Variants in RPRD2 observed in about 807,000 individuals in gnomAD.
The protein encoded by RPRD2 is regulation of nuclear pre-mRNA domain containing 2.
RPRD2 carries 12 observed loss-of-function variants against 104.4 expected under a neutral mutation model. The ratio of observed to expected loss-of-function variants is 0.11; its 90% confidence interval spans 0.07 to 0.19. The LOEUF is 0.19. RPRD2 is among the 10% of genes least tolerant of loss of function. The probability of loss-of-function intolerance (pLI) is 1.00; values close to 1 mark genes in which losing one functional copy is unlikely to be tolerated. For synonymous variants in RPRD2, 714 were observed against 684.9 expected (o/e 1.04, Z -0.66); for missense variants, 1,543 against 1,790.1 (o/e 0.86, Z 2.49).
At chr1:150,456,714 C>T (rs1396790701) in intron 7 of RPRD2, among the ~76,000 whole-genome samples, 1 of 151,800 alleles carries the variant, frequency 6.6e-6, no homozygotes, top group Non-Finnish European at 1.5e-5. Flanking sequence ...TACCTGACAT[C>T]AGGAGTTCAA....
intron 7 of RPRD2, among the ~76,000 whole-genome samples, chr1:150,450,695 A>G (rs1245817787): frequency 2.0e-5 from 3 of 149,524 alleles, no homozygotes; most frequent in East Asian, 4.0e-4. Flanking sequence ...ATCTCGGCTC[A>G]CTGCAACCCC....
chr1:150,441,019 T>C lies in RPRD2; in HGVS notation c.432T>C (p.Ala144=), dbSNP rs1553894317. ...PEEMIVALRE[A]LSTTFKTQKQ... is the part of the protein sequence containing the mutation. Reference sequence around the variant, plus strand: ...AAATGATTGTGGCATTGAGAGAAGCTTTGAGTAAGTGTCTTTTTCTCTCCT... The same window carrying C: ...AAATGATTGTGGCATTGAGAGAAGCCTTGAGTAAGTGTCTTTTTCTCTCCT... The change falls in exon 3 of 11, where the codon GCT becomes GCC. Residue 144 remains alanine (A), a synonymous_variant. Coordinates refer to ENST00000369068, the MANE Select transcript of RPRD2 (RefSeq NM_015203.5). 1.3e-6 allele frequency: 2 copies of C among 1,519,376 alleles called. No homozygotes were observed. The highest frequency in any genetic ancestry group is 1.8e-6 in the Non-Finnish European group (2 of 1,117,594). 94.1% of individuals were successfully genotyped at this position (1,519,376 alleles called of 1,614,324 possible). A position where few individuals can be genotyped will look rare whatever the true frequency, so the allele number is the denominator to read the frequency against.
intron 1 of RPRD2, among the ~76,000 whole-genome samples, chr1:150,402,634 C>T (rs1451996918): frequency 6.6e-6 from 1 of 151,988 alleles, no homozygotes; most frequent in Non-Finnish European, 1.5e-5. Context: ...TGTGATTGCA[C>T]CACTACACTC....
intron 1 of RPRD2, among the ~76,000 whole-genome samples, chr1:150,408,541 C>A (rs1663667290): frequency 6.6e-6 from 1 of 152,174 alleles, no homozygotes; most frequent in South Asian, 2.1e-4. Flanking sequence ...AACTCTCATG[C>A]AAGCATCTTC....
chr1:150,394,925 A>C (rs1553883851), intron 1 of RPRD2, among the ~76,000 whole-genome samples: 1 of 152,250 alleles, frequency 6.6e-6, no homozygotes, highest in African/African-American at 2.4e-5. Flanking sequence ...ACAAAAGGCT[A>C]ACAAAACAAA....
chr1:150,416,936 A>T (rs1039722168), intron 1 of RPRD2, among the ~76,000 whole-genome samples: 7 of 151,822 alleles, frequency 4.6e-5, no homozygotes, highest in Admixed American at 3.3e-4. Flanking sequence ...CATACATAGG[A>T]TCATATTATT....
intron 10 of RPRD2, among the ~76,000 whole-genome samples, chr1:150,466,011 C>CAAAAAAAAA: frequency 1.4e-5 from 1 of 69,258 alleles, no homozygotes; most frequent in Non-Finnish European, 2.9e-5. Context: ...AGACTCAGTC[C>CAAAAAAAAA]AAAAAAAAAA....
intron 1 of RPRD2, among the ~76,000 whole-genome samples, chr1:150,383,314 T>TG (rs1661290465): frequency 6.7e-6 from 1 of 149,794 alleles, no homozygotes; most frequent in Admixed American, 6.7e-5. Context: ...AGGTTTTTTT[T>TG]TTTTTTTTTT....
At chr1:150,456,739 A>AT (rs1418251278) in intron 7 of RPRD2, among the ~76,000 whole-genome samples, 2 of 151,988 alleles carry the variant, frequency 1.3e-5, no homozygotes, top group Admixed American at 6.6e-5. Context: ...AGCCTGGCCA[A>AT]CATGGTGAAA....
rs139789652 is a variant in RPRD2 at position 150,424,392 on chromosome 1, C to T, written c.335+6667C>T. ...GCAACCTCCGCTTCCTGGGTTCAAG[C>T]GATTCTCCTGCCTCAGCCTTGAGAA... On this transcript the variant is annotated intron_variant, in intron 2 of 10. Coordinates refer to ENST00000369068, the MANE Select transcript of RPRD2 (RefSeq NM_015203.5). Among the ~76,000 whole-genome samples the T allele has an allele frequency of 8.5e-5, 13 of 152,050 alleles. No individual in the cohort carries two copies. In the East Asian group the frequency reaches 1.4e-3, roughly 16 times the overall value.
intron 9 of RPRD2, among the ~76,000 whole-genome samples, chr1:150,462,462 CAAA>C (rs147070994): frequency 1.4e-5 from 2 of 147,376 alleles, no homozygotes; most frequent in Non-Finnish European, 1.5e-5. Flanking sequence ...AAACAAAAAA[CAAA>C]AAAAAAACCT....
At position 150,364,552 on chromosome 1, in the gene RPRD2, C is replaced by G; in HGVS notation, c.-163C>G. 1 of 571,774 alleles carries G rather than the reference C, an allele frequency of 1.7e-6. No homozygotes were observed. The highest frequency in any genetic ancestry group is 3.1e-6 in the Non-Finnish European group (1 of 326,484). The allele number at this position is 571,774 out of a possible 1,614,324, so 35.4% of individuals were successfully genotyped here. The stretch of plus-strand genomic sequence containing the variant: ...CAGCGTGCCCAGCAGCTGGTGTTCC[C>G]GTCCGTACCTCCAGAAGAGCCCAGC... On this transcript the variant is annotated 5_prime_UTR_variant, in exon 1 of 11. Transcript: ENST00000369068.
chr1:150,394,111 C>T (rs844309), intron 1 of RPRD2, among the ~76,000 whole-genome samples: 45,189 of 151,874 alleles, frequency 0.3, 8,170 homozygotes, highest in Non-Finnish European at 0.4. Flanking sequence ...AGTGCAATGG[C>T]GCGATCTCGG....
At chr1:150,375,986 A>G (rs1660653996) in intron 1 of RPRD2, among the ~76,000 whole-genome samples, 1 of 152,204 alleles carries the variant, frequency 6.6e-6, no homozygotes, top group African/African-American at 2.4e-5. Flanking sequence ...AGAACACTGG[A>G]GGAATGTACA....
chr1:150,417,916 C>G (rs1220945925), intron 2 of RPRD2, among the ~76,000 whole-genome samples, 191 bp downstream of exon 2: 2 of 150,068 alleles, frequency 1.3e-5, no homozygotes, highest in African/African-American at 4.9e-5. Flanking sequence ...CTTTTTCTCT[C>G]TCTCTCTTTC....
chr1:150,442,341 A>G (rs954650527), intron 4 of RPRD2, among the ~76,000 whole-genome samples: 13 of 152,164 alleles, frequency 8.5e-5, no homozygotes, highest in Non-Finnish European at 1.9e-4. Context: ...GGCATTAAGA[A>G]GCATTTCTGT....
intron 6 of RPRD2, among the ~76,000 whole-genome samples, chr1:150,445,398 A>G (rs1307074935): frequency 6.6e-6 from 1 of 152,204 alleles, no homozygotes; most frequent in Non-Finnish European, 1.5e-5. Context: ...AAAGAAGTAG[A>G]TATACTGAAT....
At chr1:150,369,519 C>A (rs1434403371) in intron 1 of RPRD2, among the ~76,000 whole-genome samples, 1 of 128,356 alleles carries the variant, frequency 7.8e-6, no homozygotes, top group African/African-American at 3.0e-5. Flanking sequence ...TGCAGTGGCG[C>A]GATCTCGGCT....
intron 2 of RPRD2, among the ~76,000 whole-genome samples, chr1:150,439,129 G>A (rs960601267): frequency 1.3e-5 from 2 of 152,018 alleles, no homozygotes; most frequent in African/African-American, 2.4e-5. Context: ...CACCACACCC[G>A]GCCGTATCTA....
Sources: gnomAD v4.1 joint callset for allele counts (sites outside exome capture counted in the v4.1 genomes callset) on GRCh38, gnomAD v4.1.1 for gene constraint, MANE v1.5 for transcripts, NCBI Gene and HGNC (gene_info 2026-07-23, HGNC 2026-07-21) for gene names.